The following MTHFD1L variants were observed in gnomAD, a reference collection of about 807,000 sequenced individuals.
The protein encoded by MTHFD1L is monofunctional C1-tetrahydrofolate synthase, mitochondrial.
In MTHFD1L, 81 loss-of-function variants were observed where a neutral mutation model predicts 119.5. The observed-to-expected ratio is 0.68, with a 90% CI of 0.57 to 0.82. The LOEUF is 0.82. MTHFD1L is among the 40% of genes least tolerant of loss of function. The pLI is 0.00. For synonymous variants in MTHFD1L, 430 were observed against 475.2 expected, an observed-to-expected ratio of 0.90 and a Z score of 1.24; for missense variants, 1,125 against 1,253.4, an observed-to-expected ratio of 0.90 and a Z score of 1.55.
chr6:150,939,334 G>A (rs1015808282), intron 13 of MTHFD1L: 1 of 152,276 alleles, frequency 6.6e-6, no homozygotes, highest in Non-Finnish European at 1.5e-5. Context: ...AAAAATAAAA[G>A]ACCCCAAAAT....
At position 150,976,391 on chromosome 6, in the gene MTHFD1L, G is replaced by C. The variant is rs1776572790; in HGVS notation, c.2125+4333G>C. Reference sequence around the variant, plus strand: ...TCAAACTGCTTTGCAAACCCTCCCAGGTCAGCCAGCACCATCCTTTGGCAT... The same window carrying C: ...TCAAACTGCTTTGCAAACCCTCCCACGTCAGCCAGCACCATCCTTTGGCAT... On this transcript the variant is annotated intron_variant, in intron 20 of 27. Coordinates refer to ENST00000367321, the MANE Select transcript of MTHFD1L (RefSeq NM_015440.5). 2.0e-5 allele frequency among the ~76,000 whole-genome samples: 3 copies of C among 152,234 alleles called. No individual in the cohort carries two copies. In the South Asian group the frequency reaches 6.2e-4, roughly 32 times the overall value.
Position 150,882,900 on chromosome 6 carries a change from AT to A in MTHFD1L, c.542+15del. 6.4e-7 allele frequency: 1 copy of A among 1,560,920 alleles called. No homozygotes were observed. The highest frequency in any genetic ancestry group is 8.6e-7 in the Non-Finnish European group (1 of 1,163,458). ...AGATGTGGATGGGTAAGAAAATAAA[AT>A]CAAATAATCAACCTTTATGGCTAAA... is the stretch of plus-strand genomic sequence containing the variant. On this transcript the variant is annotated intron_variant, in intron 5 of 27. Transcript: ENST00000367321.
At chr6:150,897,259 A>C (rs1784385266) in intron 7 of MTHFD1L, among the ~76,000 whole-genome samples, 1 of 152,180 alleles carries the variant, frequency 6.6e-6, no homozygotes, top group Non-Finnish European at 1.5e-5. Context: ...CATAATTAAA[A>C]CACCATCTAT....
intron 26 of MTHFD1L, among the ~76,000 whole-genome samples, chr6:151,089,504 G>A (rs1211597011): frequency 2.0e-5 from 3 of 152,198 alleles, no homozygotes; most frequent in Non-Finnish European, 2.9e-5. Context: ...TCGGGAGGCC[G>A]AAGCAGGAGA....
chr6:150,915,954 G>A lies in MTHFD1L; in HGVS notation c.893-2623G>A, dbSNP rs151225059. On this transcript the variant is annotated intron_variant, in intron 8 of 27. Transcript: ENST00000367321. ...AAAGATAGAGGATTGAGAGAGGCCCGTTTGTGGACACGATCTTAAGTACAG... is the reference window on the plus strand; with the variant it reads ...AAAGATAGAGGATTGAGAGAGGCCCATTTGTGGACACGATCTTAAGTACAG... Among the ~76,000 whole-genome samples, 249 of 152,238 alleles carry A rather than the reference G, an allele frequency of 1.6e-3. 1 individual carries two copies. The highest frequency in any genetic ancestry group is 5.5e-3 in the African/African-American group (227 of 41,542).
intron 1 of MTHFD1L, among the ~76,000 whole-genome samples, chr6:150,871,032 TTA>T (rs900970610): frequency 2.8e-5 from 4 of 145,206 alleles, no homozygotes; most frequent in Admixed American, 7.0e-5. Flanking sequence ...ATACCTTAAT[TTA>T]TATATATACC....
chr6:150,951,951 T>C (rs1794935879), intron 16 of MTHFD1L, among the ~76,000 whole-genome samples: 1 of 152,218 alleles, frequency 6.6e-6, no homozygotes, highest in South Asian at 2.1e-4. Context: ...TGGTATTCTT[T>C]GGTGTCTGCT....
At chr6:150,966,401 G>C (rs761151878) in intron 19 of MTHFD1L, among the ~76,000 whole-genome samples, 7 of 152,156 alleles carry the variant, frequency 4.6e-5, no homozygotes, top group Admixed American at 2.0e-4. Flanking sequence ...AGAACAGCAA[G>C]GGGGAAATTC....
intron 15 of MTHFD1L, among the ~76,000 whole-genome samples, 161 bp downstream of exon 15, chr6:150,945,702 C>CA (rs1793818315): frequency 6.6e-6 from 1 of 151,902 alleles, no homozygotes; most frequent in Non-Finnish European, 1.5e-5. Context: ...AGAGAGAGCA[C>CA]AGTGTTGGAA....
intron 20 of MTHFD1L, among the ~76,000 whole-genome samples, chr6:150,998,822 CAA>C (rs72203332): frequency 2.7e-4 from 27 of 101,092 alleles, no homozygotes; most frequent in African/African-American, 3.3e-4. Context: ...TCTAAAAATA[CAA>C]AAAAAAAAAA....
intron 26 of MTHFD1L, among the ~76,000 whole-genome samples, chr6:151,052,757 C>T (rs1372757192): frequency 4.6e-5 from 7 of 152,200 alleles, no homozygotes; most frequent in Non-Finnish European, 8.8e-5. Context: ...CTTACATGCC[C>T]ACCATGCAAG....
intron 21 of MTHFD1L, among the ~76,000 whole-genome samples, chr6:151,010,819 A>G (rs1782105019): frequency 6.6e-6 from 1 of 152,230 alleles, no homozygotes; most frequent in Non-Finnish European, 1.5e-5. Flanking sequence ...GAACTGCCAA[A>G]TCTGATTTCT....
chr6:151,097,491 G>T (rs1794976314), intron 27 of MTHFD1L, among the ~76,000 whole-genome samples: 1 of 152,174 alleles, frequency 6.6e-6, no homozygotes, highest in African/African-American at 2.4e-5. Context: ...TGTGAAATAA[G>T]CTGGGCACGG....
chr6:150,866,416 A>C, intron 1 of MTHFD1L: 1 of 1,356,964 alleles, frequency 7.4e-7, no homozygotes, highest in Non-Finnish European at 9.4e-7. Flanking sequence ...TGGGGCGGAA[A>C]CCAGGGGAGG....
At chr6:150,866,101 C>T in intron 1 of MTHFD1L, 52 bp downstream of exon 1, 1 of 1,472,674 alleles carries the variant, frequency 6.8e-7, no homozygotes, top group Non-Finnish European at 8.9e-7. Context: ...GTGGCCCCGA[C>T]CCAGGGGCGG....
rs538471210 is a variant in MTHFD1L, at chr6:150,894,199, G to A, written c.780+6218G>A. The stretch of plus-strand genomic sequence containing the variant: ...TGCAGTGAGCTGAGATTGCACCACC[G>A]CACTGCAACCTGGAGTGCAGGCTGG... On this transcript the variant is annotated intron_variant, in intron 7 of 27. Coordinates refer to ENST00000367321, the MANE Select transcript of MTHFD1L (RefSeq NM_015440.5). Among the ~76,000 whole-genome samples the A allele has an allele frequency of 3.5e-3, 538 of 152,240 alleles. 1 individual carries two copies. The highest frequency in any genetic ancestry group is 5.7e-3 in the Non-Finnish European group (388 of 68,006).
At position 150,926,198 on chromosome 6, in the gene MTHFD1L, G is replaced by C; in HGVS notation, c.1159G>C (p.Glu387Gln). 9 of 1,614,122 alleles carry C rather than the reference G, an allele frequency of 5.6e-6. No homozygotes were observed. Among genetic ancestry groups the C allele is most frequent in the Non-Finnish European group, 7.6e-6 (9 of 1,180,008 alleles). ...LAKEIGLLAD[E>Q]IEIYGKSKAK... ...CAAGGAGATTGGATTGCTTGCAGAT[G>C]AAATTGAAATCTATGGCAAAAGCAA... is the stretch of plus-strand genomic sequence containing the variant. Residue 387 changes from glutamate (E) to glutamine (Q), a missense_variant, in exon 11 of 28, where the codon GAA becomes CAA. Coordinates refer to ENST00000367321, the MANE Select transcript of MTHFD1L (RefSeq NM_015440.5). This position sits in a 1 kb window ranked among gnomAD's most constrained non-coding sequence, Gnocchi z 4.3.
intron 26 of MTHFD1L, among the ~76,000 whole-genome samples, chr6:151,071,428 C>G (rs78483703): frequency 0.021 from 3,193 of 152,184 alleles, 47 homozygotes; most frequent in Non-Finnish European, 0.032. Context: ...TCGTACTGCT[C>G]TACTTCAACA....
intron 9 of MTHFD1L, 69 bp downstream of exon 9, chr6:150,918,737 A>G: frequency 7.5e-7 from 1 of 1,328,368 alleles, no homozygotes; most frequent in African/African-American, 1.4e-5. Flanking sequence ...AACATTTTGC[A>G]AGTGGTTTCT....
Sources: allele counts gnomAD v4.1 joint callset (sites outside exome capture counted in the v4.1 genomes callset), GRCh38; gene constraint gnomAD v4.1.1; non-coding constraint Gnocchi (gnomAD v3.1); transcripts MANE v1.5; gene names NCBI Gene and HGNC (gene_info 2026-07-23, HGNC 2026-07-21).